Variants in SCAPER observed in about 807,000 individuals in gnomAD.
SCAPER encodes S-phase cyclin A associated protein in the ER.
In SCAPER, 98 loss-of-function variants were observed where a neutral mutation model predicts 182.2. The observed-to-expected ratio is 0.54, with a 90% CI of 0.46 to 0.64. The LOEUF (loss-of-function observed/expected upper bound fraction) is 0.64, where lower values mean the gene tolerates loss of function less well. Among genes scored for constraint, SCAPER ranks in the 30% least tolerant of loss-of-function variants. SCAPER has a pLI of 0.00. For synonymous variants in SCAPER, 605 were observed against 564.6 expected (o/e 1.07, Z -1.01); for missense variants, 1,432 against 1,690.0 (o/e 0.85, Z 2.68).
At chr15:76,823,860 C>T (rs996647117) in intron 5 of SCAPER, among the ~76,000 whole-genome samples, 1 of 151,158 alleles carries the variant, frequency 6.6e-6, no homozygotes, top group Non-Finnish European at 1.5e-5. Context: ...AAAAAGACAA[C>T]TCAGAATAAT....
chr15:76,688,282 G>A (rs2058145576), intron 20 of SCAPER, among the ~76,000 whole-genome samples: 2 of 152,026 alleles, frequency 1.3e-5, no homozygotes, highest in Admixed American at 1.3e-4. Flanking sequence ...TTTTTGATGG[G>A]GTTGTTTTCT....
chr15:76,550,061 T>C (rs2045629533), intron 23 of SCAPER, among the ~76,000 whole-genome samples: 1 of 152,112 alleles, frequency 6.6e-6, no homozygotes, highest in African/African-American at 2.4e-5. Flanking sequence ...GCTTTTGACA[T>C]GGGGTTAATA....
chr15:76,848,148 C>T (rs933030135), intron 4 of SCAPER, among the ~76,000 whole-genome samples: 4 of 151,712 alleles, frequency 2.6e-5, no homozygotes, highest in African/African-American at 9.7e-5. Context: ...GCTGGGATTA[C>T]AGCCATCATG....
intron 26 of SCAPER, among the ~76,000 whole-genome samples, chr15:76,427,748 C>G (rs1174078487): frequency 6.6e-6 from 1 of 152,042 alleles, no homozygotes; most frequent in Non-Finnish European, 1.5e-5. Context: ...GCCTGGCCAA[C>G]ATGGTGAAAC....
At chr15:76,557,016 C>T (rs536750262) in intron 23 of SCAPER, among the ~76,000 whole-genome samples, 1 of 152,088 alleles carries the variant, frequency 6.6e-6, no homozygotes, top group Admixed American at 6.5e-5. Context: ...ACAATAGCCA[C>T]AAAAAATATA....
chr15:76,545,173 A>G (rs761946502), intron 23 of SCAPER, among the ~76,000 whole-genome samples: 1 of 152,124 alleles, frequency 6.6e-6, no homozygotes, highest in South Asian at 2.1e-4. Context: ...AATGTGTTTG[A>G]TGTAAAACCA....
At chr15:76,902,670 A>AC (rs1292902605) in intron 1 of SCAPER, among the ~76,000 whole-genome samples, 7 of 152,052 alleles carry the variant, frequency 4.6e-5, no homozygotes, top group Admixed American at 2.0e-4. Context: ...CCTAAATAAT[A>AC]CCCCCACTTT....
chr15:76,888,531 A>AT (rs1253235910), intron 1 of SCAPER, among the ~76,000 whole-genome samples: 2 of 152,228 alleles, frequency 1.3e-5, no homozygotes, highest in Non-Finnish European at 2.9e-5. Context: ...TGACGCATGC[A>AT]TAAGCCTCAG....
chr15:76,388,818 G>T (rs1433663034), intron 27 of SCAPER, among the ~76,000 whole-genome samples: 1 of 151,362 alleles, frequency 6.6e-6, no homozygotes, highest in Non-Finnish European at 1.5e-5. Flanking sequence ...AAAATTAGCT[G>T]GGTGTGGTGG....
intron 28 of SCAPER, among the ~76,000 whole-genome samples, chr15:76,376,830 C>T (rs1341667422): frequency 6.6e-6 from 1 of 152,104 alleles, no homozygotes; most frequent in East Asian, 1.9e-4. Flanking sequence ...AAACCGAAGG[C>T]TCCCAAAAGA....
intron 25 of SCAPER, among the ~76,000 whole-genome samples, chr15:76,465,099 G>T (rs553166032): frequency 1.3e-4 from 20 of 152,044 alleles, no homozygotes; most frequent in Non-Finnish European, 2.5e-4. Context: ...TTGCTATTGA[G>T]TTGTAGTTCT....
intron 1 of SCAPER, among the ~76,000 whole-genome samples, chr15:76,893,390 A>G (rs1419434290): frequency 6.6e-6 from 1 of 152,178 alleles, no homozygotes; most frequent in African/African-American, 2.4e-5. Flanking sequence ...ACCGTTGTAG[A>G]TATGTACGCA....
intron 20 of SCAPER, among the ~76,000 whole-genome samples, chr15:76,697,922 G>A (rs1332706529): frequency 6.6e-6 from 1 of 152,042 alleles, no homozygotes; most frequent in Non-Finnish European, 1.5e-5. Flanking sequence ...TTACAGGCGT[G>A]AGCCACCGCG....
chr15:76,465,636 A>G (rs564718703), intron 25 of SCAPER, among the ~76,000 whole-genome samples: 1 of 152,262 alleles, frequency 6.6e-6, no homozygotes, highest in East Asian at 1.9e-4. Context: ...TATCTGATAA[A>G]TCACAGTCAA....
At chr15:76,559,210 T>A (rs61158172) in intron 23 of SCAPER, among the ~76,000 whole-genome samples, 57,275 of 143,518 alleles carry the variant, frequency 0.4, 12,857 homozygotes, top group Middle Eastern at 0.55. Flanking sequence ...AATTTTTTTT[T>A]TTTTTTTTTT....
intron 25 of SCAPER, among the ~76,000 whole-genome samples, chr15:76,447,732 C>A (rs1310815212): frequency 6.6e-6 from 1 of 152,172 alleles, no homozygotes; most frequent in Non-Finnish European, 1.5e-5. Flanking sequence ...TAGCTTACAA[C>A]AATTGCTTTC....
At chr15:76,407,976 A>G (rs1301653592) in intron 26 of SCAPER, among the ~76,000 whole-genome samples, 1 of 151,942 alleles carries the variant, frequency 6.6e-6, no homozygotes, top group Non-Finnish European at 1.5e-5. Flanking sequence ...AAAATCACTT[A>G]AAAAAAACAA....
chr15:76,880,614 A>C (rs564489034), intron 2 of SCAPER, among the ~76,000 whole-genome samples: 1 of 152,140 alleles, frequency 6.6e-6, no homozygotes, highest in African/African-American at 2.4e-5. Context: ...AAACTTTACT[A>C]TATCTTACCT....
At chr15:76,790,064 T>TA (rs2064891066) in intron 8 of SCAPER, among the ~76,000 whole-genome samples, 1 of 151,964 alleles carries the variant, frequency 6.6e-6, no homozygotes, top group South Asian at 2.1e-4. Flanking sequence ...CCGTCTCTAC[T>TA]AAAAAATATA....
Sources: gnomAD v4.1 joint callset for allele counts (sites outside exome capture counted in the v4.1 genomes callset) on GRCh38, gnomAD v4.1.1 for gene constraint, MANE v1.5 for transcripts, NCBI Gene and HGNC (gene_info 2026-07-23, HGNC 2026-07-21) for gene names.